Variants in ZNF541 observed in about 807,000 individuals in gnomAD.
The protein encoded by ZNF541 is zinc finger protein 541.
ZNF541 carries 23 observed loss-of-function variants against 123.5 expected under a neutral mutation model. That is an observed-to-expected ratio of 0.19 (90% confidence interval 0.13 to 0.26). The LOEUF (loss-of-function observed/expected upper bound fraction) is 0.26. Ranked by LOEUF, ZNF541 falls within the 10% of genes least tolerant of loss-of-function variation. The pLI, the probability that ZNF541 is intolerant of heterozygous loss-of-function variation, is 1.00. For synonymous variants in ZNF541, 751 were observed against 754.5 expected (o/e 1.00, Z 0.08); for missense variants, 1,612 against 1,789.9 (o/e 0.90, Z 1.79).
chr19:47,532,303 G>GT (rs1969610133), intron 10 of ZNF541, 33 bp from the exon 11 acceptor site: 18 of 1,548,000 alleles, frequency 1.2e-5, no homozygotes, highest in Non-Finnish European at 1.6e-5. Flanking sequence ...TAAGGGAGAC[G>GT]TACAAACATG....
intron 12 of ZNF541, among the ~76,000 whole-genome samples, chr19:47,530,870 C>T (rs779332901): frequency 6.6e-6 from 1 of 151,820 alleles, no homozygotes; most frequent in African/African-American, 2.4e-5. Flanking sequence ...AGGCTGGTCT[C>T]GAACTCCTGA....
intron 2 of ZNF541, among the ~76,000 whole-genome samples, chr19:47,571,612 T>G (rs1003130076): frequency 9.2e-5 from 14 of 152,192 alleles, no homozygotes; most frequent in African/African-American, 3.4e-4. Context: ...TACCTGTGCC[T>G]TACCTGTAAG....
chr19:47,559,388 GAAAAGAAAGAAA>G (rs1472952676), intron 2 of ZNF541, among the ~76,000 whole-genome samples: 5 of 150,458 alleles, frequency 3.3e-5, no homozygotes, highest in African/African-American at 9.8e-5. Flanking sequence ...AAGAAAGAAA[GAAAAGAAAGAAA>G]GAAGGAAGGA....
rs1599980910 is a variant in ZNF541, at chr19:47,538,365, T to G, written c.2871A>C (p.Pro957=). The change falls in exon 9 of 17, where the codon CCA becomes CCC. Residue 957 remains proline (P), a synonymous_variant. Coordinates refer to ENST00000391901, the MANE Select transcript of ZNF541 (RefSeq NM_001277075.3). ...SQQRKRKKRP[P]PSTAGEPGPA... ...GGCCAGGCTCCCCAGCCGTGGAGGGTGGGGGCCGCTTCTTCCGCTTTCTCT... is the reference window on the plus strand; with the variant it reads ...GGCCAGGCTCCCCAGCCGTGGAGGGGGGGGGCCGCTTCTTCCGCTTTCTCT... The G allele has an allele frequency of 1.3e-6, 2 of 1,543,962 alleles. No individual in the cohort carries two copies. Among genetic ancestry groups the G allele is most frequent in the East Asian group, 2.4e-5 (1 of 40,822 alleles).
intron 14 of ZNF541, among the ~76,000 whole-genome samples, chr19:47,523,624 T>TAA (rs1265363885): frequency 6.6e-6 from 1 of 152,098 alleles, no homozygotes; most frequent in Non-Finnish European, 1.5e-5. Context: ...AGTCAAAATA[T>TAA]AAACAATGTT....
chr19:47,545,009 T>C lies in ZNF541; in HGVS notation c.1520A>G (p.Asp507Gly). The change falls in exon 5 of 17, where the codon GAC (aspartate) becomes GGC (glycine). Residue 507 changes from aspartate (D) to glycine (G), a missense_variant. This residue lies in a region of ZNF541 where 1,080 missense variants were observed against 1,013.8 expected (regional missense o/e 1.07). Coordinates refer to ENST00000391901, the MANE Select transcript of ZNF541 (RefSeq NM_001277075.3). The surrounding 1 kb of genome is among the most constrained non-coding windows in gnomAD (Gnocchi z 7.5). ...GTTCTGGCACAGGAAGGAGTCGCAGTCGACCTTGACCTTCTTGGGGGCGCA... is the reference window on the plus strand; with the variant it reads ...GTTCTGGCACAGGAAGGAGTCGCAGCCGACCTTGACCTTCTTGGGGGCGCA... ...DPCAPKKVKV[D>G]CDSFLCQNPG... is the part of the protein sequence containing the mutation. The C allele has an allele frequency of 6.6e-7, 1 of 1,518,654 alleles. No homozygotes were observed. 94.1% of individuals were successfully genotyped at this position (1,518,654 alleles called of 1,614,324 possible). A position where few individuals can be genotyped will look rare whatever the true frequency, so the allele number is the denominator to read the frequency against.
At chr19:47,528,854 A>T (rs1408371591) in intron 14 of ZNF541, 96 bp downstream of exon 14, 3 of 893,236 alleles carry the variant, frequency 3.4e-6, no homozygotes, top group Non-Finnish European at 5.3e-6. Context: ...CAGGCAGGTG[A>T]GGGTGGGGCC....
chr19:47,547,171 G>A (rs776471421), intron 4 of ZNF541, among the ~76,000 whole-genome samples: 2 of 152,108 alleles, frequency 1.3e-5, no homozygotes, highest in Non-Finnish European at 2.9e-5. Context: ...GAATAGACTG[G>A]AGGAGATGCT....
At chr19:47,555,197 G>A (rs376010247) in intron 3 of ZNF541, among the ~76,000 whole-genome samples, 20 of 147,430 alleles carry the variant, frequency 1.4e-4, no homozygotes, top group Non-Finnish European at 1.8e-4. Context: ...GTGAAACTCC[G>A]TTTCTACTAA....
In ZNF541 at chr19:47,545,998, C is replaced by G. The variant is rs1018564256; in HGVS notation, c.549-18G>C. On this transcript the variant is annotated intron_variant, in intron 4 of 16. Transcript: ENST00000391901. The surrounding 1 kb of genome is among the most constrained non-coding windows in gnomAD (Gnocchi z 7.5). ...GCCCGGTCCTGGAGCCAGACACAAGCAGGGGCGTCACCGGGGCACCTGGGA... is the reference window on the plus strand; with the variant it reads ...GCCCGGTCCTGGAGCCAGACACAAGGAGGGGCGTCACCGGGGCACCTGGGA... 2 of 1,444,668 alleles carry G rather than the reference C, an allele frequency of 1.4e-6. No homozygotes were observed. The highest frequency in any genetic ancestry group is 5.1e-5 in the East Asian group (2 of 39,364). 89.5% of individuals were successfully genotyped at this position (1,444,668 alleles called of 1,614,324 possible).
chr19:47,569,845 C>T lies in ZNF541; in HGVS notation c.-99+2051G>A, dbSNP rs150225460. Among the ~76,000 whole-genome samples, 6 of 151,772 alleles carry T rather than the reference C, an allele frequency of 4.0e-5. No homozygotes were observed. The East Asian group carries it at 1.2e-3, about 29-fold the overall frequency. On this transcript the variant is annotated intron_variant, in intron 2 of 16. Transcript: ENST00000391901. ...AGTGAGCCAGGATCACACCACGGCA[C>T]TCCAGCCTGGGCAAACAGCGAAACC...
rs139049658 is a variant in ZNF541 at position 47,559,668 on chromosome 19, A to T, written c.-98-3714T>A. Among the ~76,000 whole-genome samples the T allele has an allele frequency of 5.4e-3, 824 of 151,806 alleles. 5 individuals are homozygous for T. Among genetic ancestry groups the T allele is most frequent in the Non-Finnish European group, 9.5e-3 (642 of 67,894 alleles). On this transcript the variant is annotated intron_variant, in intron 2 of 16. Transcript: ENST00000391901. ...AGTTTGAGACCAGCCTGGCCAGCAT[A>T]GTAAAACCCCATCTCTACTGAAAAT... is the stretch of plus-strand genomic sequence containing the variant.
intron 2 of ZNF541, among the ~76,000 whole-genome samples, chr19:47,558,155 G>A (rs1041155422): frequency 2.0e-5 from 3 of 152,266 alleles, no homozygotes; most frequent in Non-Finnish European, 2.9e-5. Flanking sequence ...GGTGGCTTAC[G>A]CCTGTAATCC....
At chr19:47,561,931 T>C (rs1019416428) in intron 2 of ZNF541, among the ~76,000 whole-genome samples, 1 of 151,930 alleles carries the variant, frequency 6.6e-6, no homozygotes, top group Non-Finnish European at 1.5e-5. Flanking sequence ...ATTCCCAGAG[T>C]TACCAGACTG....
At position 47,521,513 on chromosome 19, in the gene ZNF541, T is replaced by C; in HGVS notation, c.3853A>G (p.Ser1285Gly). The C allele has an allele frequency of 6.4e-7, 1 of 1,551,622 alleles. No homozygotes were observed. The stretch of plus-strand genomic sequence containing the variant: ...TCTCTGCATGGAAAAATGCCCTGGC[T>C]CTCTGCACTTCCCAACAGCTCGGGG... ...RTPELLGSAE[S>G]QGIFPCRECE... The change falls in exon 16 of 17, where the codon AGC becomes GGC. Residue 1285 changes from serine to glycine, a missense_variant. Around this residue, in one of 5 missense-constraint regions of ZNF541, gnomAD observed 285 missense variants for 407.3 expected, o/e 0.70. Coordinates refer to ENST00000391901, the MANE Select transcript of ZNF541 (RefSeq NM_001277075.3). The surrounding 1 kb of genome is among the most constrained non-coding windows in gnomAD (Gnocchi z 4.2).
chr19:47,558,745 AATTT>A (rs967988111), intron 2 of ZNF541, among the ~76,000 whole-genome samples: 1 of 148,756 alleles, frequency 6.7e-6, no homozygotes, highest in African/African-American at 2.5e-5. Flanking sequence ...ACGCCCAGCT[AATTT>A]TTTTTTTTTT....
intron 12 of ZNF541, 88 bp downstream of exon 12, chr19:47,531,554 C>CCGTA: frequency 9.3e-7 from 1 of 1,077,630 alleles, no homozygotes; most frequent in Non-Finnish European, 1.3e-6. Flanking sequence ...CTTCCATCCG[C>CCGTA]TCTGAACCCC....
At chr19:47,544,000 T>C in intron 5 of ZNF541, 126 bp downstream of exon 5, 2 of 1,255,864 alleles carry the variant, frequency 1.6e-6, no homozygotes, top group Non-Finnish European at 2.1e-6. Flanking sequence ...TTTCGGAACC[T>C]TAATTCCTTC....
At chr19:47,569,151 G>C (rs1329715913) in intron 2 of ZNF541, among the ~76,000 whole-genome samples, 1 of 152,008 alleles carries the variant, frequency 6.6e-6, no homozygotes, top group East Asian at 1.9e-4. Context: ...CAACGAGGTA[G>C]ATCTGAGGGA....
Sources: gnomAD v4.1 joint callset for allele counts (sites outside exome capture counted in the v4.1 genomes callset) on GRCh38, gnomAD v4.1.1 for gene constraint, gnomAD v4.1.1 regional missense constraint, Gnocchi (gnomAD v3.1) non-coding constraint, MANE v1.5 for transcripts, NCBI Gene and HGNC (gene_info 2026-07-23, HGNC 2026-07-21) for gene names.